Variants in PRKN observed in about 807,000 individuals in gnomAD.
PRKN encodes the protein parkin RBR E3 ubiquitin protein ligase, also known as E3 ubiquitin-protein ligase parkin.
A neutral mutation model predicts 59.5 loss-of-function variants in PRKN; 56 were observed. That is an observed-to-expected ratio of 0.94 (90% CI 0.76 to 1.18). The LOEUF (loss-of-function observed/expected upper bound fraction) is 1.18, where lower values mean the gene tolerates loss of function less well. Ranked by LOEUF, PRKN falls within the 50% of genes most tolerant of loss-of-function variation. The probability of loss-of-function intolerance (pLI) is 0.00; values close to 1 mark genes in which losing one functional copy is unlikely to be tolerated. For synonymous variants in PRKN, 250 were observed against 222.1 expected (o/e 1.13, Z -1.12); for missense variants, 657 against 596.4 (o/e 1.10, Z -1.06).
chr6:162,632,024 A>G (rs1023546631), intron 1 of PRKN, among the ~76,000 whole-genome samples: 6 of 152,162 alleles, frequency 3.9e-5, no homozygotes, highest in African/African-American at 9.7e-5. Flanking sequence ...CTGCAAACAA[A>G]AGGAAACGCT....
chr6:161,433,233 A>T (rs1218733967), intron 9 of PRKN, among the ~76,000 whole-genome samples: 4 of 152,208 alleles, frequency 2.6e-5, no homozygotes, highest in Non-Finnish European at 4.4e-5. Flanking sequence ...GAAAAATGGA[A>T]GAAATTCATA....
intron 7 of PRKN, among the ~76,000 whole-genome samples, chr6:161,594,522 C>G (rs920532352): frequency 6.6e-6 from 1 of 152,252 alleles, no homozygotes. Flanking sequence ...CCGTAGGACA[C>G]AATAATATAT....
At position 161,487,428 on chromosome 6, in the gene PRKN, T is replaced by A. The variant is rs1777365726; in HGVS notation, c.1083+61426A>T. Among the ~76,000 whole-genome samples the A allele has an allele frequency of 6.6e-6, 1 of 152,124 alleles. No homozygotes were observed. The highest frequency in any genetic ancestry group is 1.9e-4 in the East Asian group (1 of 5,184). ...GGATGGCAAAGGAATTTTCTAGAAC[T>A]AAGAGTGTGTGTTGGGAAGGTAATG... On this transcript the variant is annotated intron_variant, in intron 9 of 11. Coordinates refer to ENST00000366898, the MANE Select transcript of PRKN (RefSeq NM_004562.3). The surrounding 1 kb of genome is among the most constrained non-coding windows in gnomAD (Gnocchi z 5.3).
intron 1 of PRKN, among the ~76,000 whole-genome samples, chr6:162,489,612 C>A (rs1302637168): frequency 6.6e-6 from 1 of 152,218 alleles, no homozygotes; most frequent in Admixed American, 6.5e-5. Flanking sequence ...ATAAACACTT[C>A]AAGCCTCAAA....
chr6:161,623,288 T>C (rs916017418), intron 7 of PRKN, among the ~76,000 whole-genome samples: 5 of 152,196 alleles, frequency 3.3e-5, no homozygotes, highest in Non-Finnish European at 7.3e-5. Flanking sequence ...TCCTAGTTTT[T>C]CTGCCTCTCT....
At chr6:161,661,300 C>T (rs536928555) in intron 7 of PRKN, among the ~76,000 whole-genome samples, 151 of 152,174 alleles carry the variant, frequency 9.9e-4, no homozygotes, top group Non-Finnish European at 1.8e-3. Context: ...TTGCTCTTCT[C>T]CACACTCACT....
At chr6:162,266,474 T>C (rs576636997) in intron 2 of PRKN, 6 of 152,002 alleles carry the variant, frequency 3.9e-5, no homozygotes, top group Non-Finnish European at 5.9e-5. Context: ...ATTCTAAAAG[T>C]TTGAAAAAGT....
chr6:162,344,580 C>G (rs1406416550), intron 2 of PRKN, among the ~76,000 whole-genome samples: 1 of 151,614 alleles, frequency 6.6e-6, no homozygotes, highest in African/African-American at 2.4e-5. Context: ...TGGCCTGGCC[C>G]TTGTCCATTC....
intron 7 of PRKN, among the ~76,000 whole-genome samples, chr6:161,673,078 C>A (rs1784966037): frequency 6.6e-6 from 1 of 152,116 alleles, no homozygotes; most frequent in Non-Finnish European, 1.5e-5. Context: ...TTCATAATCA[C>A]CCGTGCAGAA....
intron 2 of PRKN, among the ~76,000 whole-genome samples, chr6:162,314,064 T>A (rs1782646365): frequency 6.6e-6 from 1 of 152,032 alleles, no homozygotes; most frequent in Non-Finnish European, 1.5e-5. Context: ...ACCACCCAAG[T>A]CAAGACACAA....
At chr6:162,117,977 T>A (rs569319377) in intron 4 of PRKN, among the ~76,000 whole-genome samples, 1 of 152,082 alleles carries the variant, frequency 6.6e-6, no homozygotes, top group East Asian at 1.9e-4. Flanking sequence ...ACACCTGTAA[T>A]CCCAGCTAAT....
chr6:162,503,136 CTTT>C (rs10629175), intron 1 of PRKN, among the ~76,000 whole-genome samples: 1 of 81,114 alleles, frequency 1.2e-5, no homozygotes, highest in Non-Finnish European at 2.3e-5. Context: ...GTCTTCATTT[CTTT>C]TTTTTTTTTT....
At chr6:162,145,758 C>T (rs1781997941) in intron 4 of PRKN, among the ~76,000 whole-genome samples, 1 of 152,150 alleles carries the variant, frequency 6.6e-6, no homozygotes, top group Non-Finnish European at 1.5e-5. Flanking sequence ...TCCAGGTCAG[C>T]TTGGCTGCAG....
chr6:161,841,270 AC>A (rs1272321393), intron 6 of PRKN, among the ~76,000 whole-genome samples: 1 of 152,060 alleles, frequency 6.6e-6, no homozygotes, highest in African/African-American at 2.4e-5. Flanking sequence ...TCTCCTAATG[AC>A]AGAGTCTCTC....
rs143827374 is a variant in PRKN, at chr6:162,231,031, T to C, written c.413-29779A>G. On this transcript the variant is annotated intron_variant, in intron 3 of 11. Transcript: ENST00000366898. The stretch of plus-strand genomic sequence containing the variant: ...ACAAATGCTGGAGGTGCTGAAGGCA[T>C]TCCATAGATAGCTTATCAGCTTTCT... Among the ~76,000 whole-genome samples, 7 of 152,320 alleles carry C rather than the reference T, an allele frequency of 4.6e-5. No homozygotes were observed. The East Asian group carries it at 1.4e-3, about 29-fold the overall frequency.
intron 2 of PRKN, among the ~76,000 whole-genome samples, chr6:162,355,411 A>ATC (rs1562696425): frequency 2.1e-5 from 3 of 143,970 alleles, no homozygotes; most frequent in African/African-American, 8.8e-5. Context: ...ATCTATCTAT[A>ATC]TATATATAAC....
chr6:162,087,512 G>A (rs1377092346), intron 4 of PRKN, among the ~76,000 whole-genome samples: 1 of 151,380 alleles, frequency 6.6e-6, no homozygotes, highest in Non-Finnish European at 1.5e-5. Flanking sequence ...TAGGCACTGT[G>A]CTTCCCTATG....
At chr6:161,970,828 G>A (rs1210847320) in intron 6 of PRKN, among the ~76,000 whole-genome samples, 6 of 152,128 alleles carry the variant, frequency 3.9e-5, no homozygotes, top group Admixed American at 6.5e-5. Context: ...GTGAGCCACC[G>A]TGTCTGGCCA....
rs1298784721 is a variant in PRKN, at chr6:161,562,359, C to T, written c.933+6996G>A. Among the ~76,000 whole-genome samples, 3 of 152,238 alleles carry T rather than the reference C, an allele frequency of 2.0e-5. No individual in the cohort carries two copies. Among genetic ancestry groups the T allele is most frequent in the Non-Finnish European group, 4.4e-5 (3 of 68,046 alleles). ...ACACCATATGGCCCTGGATTGTCTT[C>T]TACTTTCCTTGAGGTTCCTTCTTGG... On this transcript the variant is annotated intron_variant, in intron 8 of 11. Transcript: ENST00000366898. The surrounding 1 kb of genome is among the most constrained non-coding windows in gnomAD (Gnocchi z 4.3).
Sources: allele counts gnomAD v4.1 joint callset (sites outside exome capture counted in the v4.1 genomes callset), GRCh38; gene constraint gnomAD v4.1.1; non-coding constraint Gnocchi (gnomAD v3.1); transcripts MANE v1.5; gene names NCBI Gene and HGNC (gene_info 2026-07-23, HGNC 2026-07-21).